Variants in SLC39A9 observed in about 807,000 individuals in gnomAD.
SLC39A9 encodes solute carrier family 39 member 9.
SLC39A9 carries 14 observed loss-of-function variants against 28.4 expected under a neutral mutation model. The ratio of observed to expected loss-of-function variants is 0.49; its 90% confidence interval spans 0.33 to 0.77. The LOEUF (loss-of-function observed/expected upper bound fraction) is 0.77, where lower values mean the gene tolerates loss of function less well. Among genes scored for constraint, SLC39A9 ranks in the 30% least tolerant of loss-of-function variants. SLC39A9 has a pLI of 0.02. For synonymous variants in SLC39A9, 119 were observed against 149.6 expected (o/e 0.80, Z 1.49); for missense variants, 283 against 381.1 (o/e 0.74, Z 2.14).
intron 1 of SLC39A9, among the ~76,000 whole-genome samples, chr14:69,402,322 C>T (rs1346757880): frequency 6.6e-6 from 1 of 151,918 alleles, no homozygotes; most frequent in Non-Finnish European, 1.5e-5. Flanking sequence ...TGCATGCGGC[C>T]CACGAGCCAT....
Position 69,461,906 on chromosome 14 carries a change from GTTGTT to G in SLC39A9, c.*3314_*3318del. The stretch of plus-strand genomic sequence containing the variant: ...CAGTGTTAAGTGAAAATCCTCTGTA[GTTGTT>G]CTGCAGAGGAACCTTCCTTCCATTA... On this transcript the variant is annotated 3_prime_UTR_variant, in exon 7 of 7. Coordinates refer to ENST00000336643, the MANE Select transcript of SLC39A9 (RefSeq NM_018375.5). 5 of 651,418 alleles carry G rather than the reference GTTGTT, an allele frequency of 7.7e-6. No individual in the cohort carries two copies. Among genetic ancestry groups the G allele is most frequent in the Admixed American group, 3.1e-5 (1 of 32,194 alleles). The allele number at this position is 651,418 out of a possible 1,614,324, so 40.4% of individuals were successfully genotyped here. A position where few individuals can be genotyped will look rare whatever the true frequency, so the allele number is the denominator to read the frequency against.
At chr14:69,406,848 G>GTTTTTTTTTTTTTTTT (rs398025544) in intron 1 of SLC39A9, among the ~76,000 whole-genome samples, 3 of 95,904 alleles carry the variant, frequency 3.1e-5, no homozygotes, top group African/African-American at 4.2e-5. Context: ...GAAATTCTTT[G>GTTTTTTTTTTTTTTTT]TTTTTTTTTT....
intron 2 of SLC39A9, among the ~76,000 whole-genome samples, chr14:69,432,124 C>A (rs986614137): frequency 6.6e-6 from 1 of 152,062 alleles, no homozygotes; most frequent in Admixed American, 6.6e-5. Flanking sequence ...TTAAATTCTT[C>A]GAGAAATCTC....
chr14:69,406,168 A>G (rs994095414), intron 1 of SLC39A9, among the ~76,000 whole-genome samples: 2 of 152,146 alleles, frequency 1.3e-5, no homozygotes, highest in African/African-American at 2.4e-5. Flanking sequence ...AGTATATCTC[A>G]TGCTTTCTGC....
At position 69,461,984 on chromosome 14, in the gene SLC39A9, T is replaced by G; in HGVS notation, c.*3391T>G. ...ATGGTCCACATCACCCAAAGTGCAC[T>G]GTTGGAGATGCTGTGAAATTAAAAC... On this transcript the variant is annotated 3_prime_UTR_variant, in exon 7 of 7. Transcript: ENST00000336643. 3 of 365,794 alleles carry G rather than the reference T, an allele frequency of 8.2e-6. No individual in the cohort carries two copies. The highest frequency in any genetic ancestry group is 4.9e-6 in the Non-Finnish European group (1 of 203,416). The allele number at this position is 365,794 out of a possible 1,614,324, so 22.7% of individuals were successfully genotyped here. A position where few individuals can be genotyped will look rare whatever the true frequency, so the allele number is the denominator to read the frequency against.
intron 2 of SLC39A9, among the ~76,000 whole-genome samples, chr14:69,441,101 G>A (rs1484863691): frequency 2.0e-5 from 3 of 152,122 alleles, no homozygotes; most frequent in African/African-American, 7.2e-5. Context: ...AACATAGGGA[G>A]ACCACATTTC....
At position 69,459,252 on chromosome 14, in the gene SLC39A9, A is replaced by G; in HGVS notation, c.*659A>G. 2.0e-6 allele frequency: 2 copies of G among 985,440 alleles called. No individual in the cohort carries two copies. Among genetic ancestry groups the G allele is most frequent in the Non-Finnish European group, 2.4e-6 (2 of 829,938 alleles). 61.0% of individuals were successfully genotyped at this position (985,440 alleles called of 1,614,324 possible). A position where few individuals can be genotyped will look rare whatever the true frequency, so the allele number is the denominator to read the frequency against. ...AGCTCCTTTGGCACGTGCCTCTCTG[A>G]ATCCAGCCTGCCATTCCATCAAATG... On this transcript the variant is annotated 3_prime_UTR_variant, in exon 7 of 7. Coordinates refer to ENST00000336643, the MANE Select transcript of SLC39A9 (RefSeq NM_018375.5).
At chr14:69,426,517 C>T (rs1316278379) in intron 2 of SLC39A9, among the ~76,000 whole-genome samples, 1 of 152,248 alleles carries the variant, frequency 6.6e-6, no homozygotes, top group Admixed American at 6.5e-5. Context: ...CGCCACCCTC[C>T]TGGCACATGG....
At position 69,404,731 on chromosome 14, in the gene SLC39A9, G is replaced by A. The variant is rs960927330; in HGVS notation, c.96+5266G>A. On this transcript the variant is annotated intron_variant, in intron 1 of 6. Transcript: ENST00000336643. ...TTTACCATTCTATTTGGAGAGGCCA[G>A]GGCTTTTCCTCTACCCTCCCTGCTT... Among the ~76,000 whole-genome samples, 10 of 152,088 alleles carry A rather than the reference G, an allele frequency of 6.6e-5. No homozygotes were observed. The East Asian group carries it at 1.9e-3, about 29-fold the overall frequency.
chr14:69,406,944 A>G (rs1465622982), intron 1 of SLC39A9, among the ~76,000 whole-genome samples: 1 of 128,018 alleles, frequency 7.8e-6, no homozygotes, highest in Middle Eastern at 6.3e-3. Context: ...TCCCCTTCCC[A>G]GGTTCAAGCA....
intron 3 of SLC39A9, among the ~76,000 whole-genome samples, chr14:69,442,929 A>G (rs1885115285): frequency 1.3e-5 from 2 of 152,320 alleles, no homozygotes; most frequent in East Asian, 1.9e-4. Flanking sequence ...CTTGATTTAC[A>G]AAGGTATTTT....
intron 2 of SLC39A9, among the ~76,000 whole-genome samples, chr14:69,428,184 G>A (rs183148352): frequency 7.9e-5 from 12 of 152,118 alleles, no homozygotes; most frequent in African/African-American, 2.7e-4. Flanking sequence ...GACTGAGGTA[G>A]GAGAATCGCT....
chr14:69,399,361 G>A lies in SLC39A9; in HGVS notation c.-9G>A, dbSNP rs1882491980. On this transcript the variant is annotated 5_prime_UTR_variant, in exon 1 of 7. Coordinates refer to ENST00000336643, the MANE Select transcript of SLC39A9 (RefSeq NM_018375.5). ...GTCTAGTGGTTGTGGGTGAATAAAG[G>A]AGGGCAGAATGGATGATTTCATCTC... 6.2e-7 allele frequency: 1 copy of A among 1,613,038 alleles called. No homozygotes were observed. The highest frequency in any genetic ancestry group is 1.3e-5 in the African/African-American group (1 of 74,908).
rs954949736 is a variant in SLC39A9 at position 69,455,884 on chromosome 14, C to T, written c.693+18C>T. 1.1e-5 allele frequency: 17 copies of T among 1,612,890 alleles called. No individual in the cohort carries two copies. The highest frequency in any genetic ancestry group is 1.4e-5 in the Non-Finnish European group (17 of 1,179,296). On this transcript the variant is annotated intron_variant, in intron 6 of 6. Transcript: ENST00000336643. ...TGAGTAAGGTAAGCTAATCTATTCC[C>T]AGCTATCTAAACCAGTGTCTTGTGA...
intron 5 of SLC39A9, among the ~76,000 whole-genome samples, 175 bp from the exon 6 acceptor site, chr14:69,455,557 T>C (rs1885817679): frequency 6.6e-6 from 1 of 152,162 alleles, no homozygotes; most frequent in African/African-American, 2.4e-5. Flanking sequence ...TGACCTTAGG[T>C]GATCCACCCA....
At chr14:69,427,195 G>A (rs1257633765) in intron 2 of SLC39A9, among the ~76,000 whole-genome samples, 1 of 151,602 alleles carries the variant, frequency 6.6e-6, no homozygotes, top group Non-Finnish European at 1.5e-5. Context: ...ATGGAGACAG[G>A]ATTTCACCAT....
chr14:69,449,138 A>T (rs190145370), intron 3 of SLC39A9, among the ~76,000 whole-genome samples: 59 of 152,282 alleles, frequency 3.9e-4, no homozygotes, highest in African/African-American at 1.4e-3. Flanking sequence ...TATGTGTTAA[A>T]TTTTTTTCCA....
At position 69,461,166 on chromosome 14, in the gene SLC39A9, G is replaced by T; in HGVS notation, c.*2573G>T. On this transcript the variant is annotated 3_prime_UTR_variant, in exon 7 of 7. Coordinates refer to ENST00000336643, the MANE Select transcript of SLC39A9 (RefSeq NM_018375.5). Reference sequence around the variant, plus strand: ...TATTGGCTACCAAAGAGACGCAATTGATGATGAGAAGCATGATTCTTGCTT... The same window carrying T: ...TATTGGCTACCAAAGAGACGCAATTTATGATGAGAAGCATGATTCTTGCTT... 1 of 987,200 alleles carries T rather than the reference G, an allele frequency of 1.0e-6. No homozygotes were observed. The highest frequency in any genetic ancestry group is 4.7e-5 in the South Asian group (1 of 21,410). The allele number at this position is 987,200 out of a possible 1,614,324, so 61.2% of individuals were successfully genotyped here.
Position 69,461,719 on chromosome 14 carries a change from C to A in SLC39A9, c.*3126C>A. 6.5e-7 allele frequency: 1 copy of A among 1,535,864 alleles called. No homozygotes were observed. The highest frequency in any genetic ancestry group is 8.7e-7 in the Non-Finnish European group (1 of 1,146,838). ...AAGGATTAGAACTAAGAGGACACAC[C>A]AGCATCGGAGTGTATTAAGCCCCTG... On this transcript the variant is annotated 3_prime_UTR_variant, in exon 7 of 7. Transcript: ENST00000336643.
Sources: allele counts gnomAD v4.1 joint callset (sites outside exome capture counted in the v4.1 genomes callset), GRCh38; gene constraint gnomAD v4.1.1; transcripts MANE v1.5; gene names NCBI Gene and HGNC (gene_info 2026-07-23, HGNC 2026-07-21).